The following KRT15 variants were observed in gnomAD, a reference collection of about 807,000 sequenced individuals.
KRT15 encodes keratin, type I cytoskeletal 15.
In KRT15, 45 loss-of-function variants were observed where a neutral mutation model predicts 46.6. The observed-to-expected ratio is 0.97, with a 90% CI of 0.76 to 1.24. The LOEUF (loss-of-function observed/expected upper bound fraction) is 1.24, where lower values mean the gene tolerates loss of function less well. Ranked by LOEUF, KRT15 falls within the 50% of genes most tolerant of loss-of-function variation. The pLI is 0.00. For synonymous variants in KRT15, 221 were observed against 233.8 expected (o/e 0.95, Z 0.50); for missense variants, 592 against 588.9 (o/e 1.01, Z -0.05).
Position 41,515,889 on chromosome 17 carries a change from C to G in KRT15, c.1022G>C (p.Ser341Thr). The change falls in exon 5 of 8, where the codon AGC becomes ACC. Residue 341 changes from serine to threonine, a missense_variant. Coordinates refer to ENST00000254043, the MANE Select transcript of KRT15 (RefSeq NM_002275.4). ...ATGGGGCGCGAGTGGCCGTACCATG[C>G]TGAGCTGGGACTGCAGCTCGATCTC... ...ELEIELQSQL[S>T]MKAGLENSLA... 1 of 1,614,068 alleles carries G rather than the reference C, an allele frequency of 6.2e-7. No individual in the cohort carries two copies. Among genetic ancestry groups the G allele is most frequent in the South Asian group, 1.1e-5 (1 of 91,080 alleles).
intron 5 of KRT15, 90 bp downstream of exon 5, chr17:41,515,794 AG>A: frequency 6.2e-7 from 1 of 1,604,270 alleles, no homozygotes; most frequent in Middle Eastern, 1.7e-4. Flanking sequence ...CCACCTCTTG[AG>A]GGGGCTTGAG....
In KRT15 at chr17:41,517,080, C is replaced by T. The variant is rs531848221; in HGVS notation, c.581+3G>A. On this transcript the variant is annotated splice_donor_region_variant and intron_variant, in intron 2 of 7. Transcript: ENST00000254043. The stretch of plus-strand genomic sequence containing the variant: ...GGAAGAGGAGAGAGACGGGGGAGCG[C>T]ACTTGAGCCTGAAGTCGTCCGCAGC... 10 of 1,614,190 alleles carry T rather than the reference C, an allele frequency of 6.2e-6. No homozygotes were observed. The African/African-American group carries it at 1.2e-4, about 19-fold the overall frequency.
chr17:41,515,767 G>A, intron 5 of KRT15, 75 bp from the exon 6 acceptor site: 4 of 1,595,240 alleles, frequency 2.5e-6, no homozygotes, highest in Non-Finnish European at 3.4e-6. Context: ...AGGGGGCACT[G>A]AATGGAGTTC....
rs1567718027 is a variant in KRT15 at position 41,515,559 on chromosome 17, T to G, written c.1160A>C (p.Gln387Pro). The change falls in exon 6 of 8, where the codon CAG (glutamine) becomes CCG (proline). Residue 387 changes from glutamine (Q) to proline (P), a missense_variant. Transcript: ENST00000254043. ...TATGTCAAGCAGCATCTTGTACTCC[T>G]GGTTCTGAGCCTCCATCTCGCATCG... ...ELRCEMEAQN[Q>P]EYKMLLDIKT... 1.2e-6 allele frequency: 2 copies of G among 1,614,054 alleles called. No homozygotes were observed. The highest frequency in any genetic ancestry group is 3.3e-5 in the Admixed American group (2 of 60,014).
At position 41,518,510 on chromosome 17, in the gene KRT15, T is replaced by C. The variant is rs1207276942; in HGVS notation, c.318A>G (p.Lys106=). 2 of 1,613,578 alleles carry C rather than the reference T, an allele frequency of 1.2e-6. No individual in the cohort carries two copies. Among genetic ancestry groups the C allele is most frequent in the Admixed American group, 1.7e-5 (1 of 59,950 alleles). Residue 106 remains lysine (K), a synonymous_variant, in exon 1 of 8, where the codon AAA becomes AAG. Transcript: ENST00000254043. ...GGTCATTGAGGTTCTGCATGGTAATTTTCTCATTGCCAGAGAGGAGACCAC... is the reference window on the plus strand; with the variant it reads ...GGTCATTGAGGTTCTGCATGGTAATCTTCTCATTGCCAGAGAGGAGACCAC... ...GDGGLLSGNE[K]ITMQNLNDRL...
intron 7 of KRT15, 124 bp downstream of exon 7, chr17:41,514,525 G>A: frequency 1.2e-6 from 1 of 855,942 alleles, no homozygotes; most frequent in Non-Finnish European, 1.9e-6. Flanking sequence ...GGCATCTAAT[G>A]AATGGGAATG....
chr17:41,514,485 G>A, intron 7 of KRT15, 164 bp downstream of exon 7: 1 of 654,976 alleles, frequency 1.5e-6, no homozygotes, highest in Non-Finnish European at 2.7e-6. Context: ...AATCTCACCT[G>A]GGGCTGACAG....
Position 41,516,147 on chromosome 17 carries a change from G to T in KRT15, c.857C>A (p.Ala286Glu). ...AEMREQYEAM[A>E]EKNRRDVEAW... ...CTCGACATCCCGGCGGTTCTTCTCC[G>T]CCATGGCCTCGTACTGCTCCCTCAT... Residue 286 changes from alanine (A) to glutamate (E), a missense_variant, in exon 4 of 8, where the codon GCG becomes GAG. Transcript: ENST00000254043. 3 of 1,614,138 alleles carry T rather than the reference G, an allele frequency of 1.9e-6. No individual in the cohort carries two copies. The highest frequency in any genetic ancestry group is 1.7e-5 in the Admixed American group (1 of 60,028).
intron 6 of KRT15, 33 bp from the exon 7 acceptor site, chr17:41,514,707 G>A (rs1371700539): frequency 6.2e-7 from 1 of 1,612,190 alleles, no homozygotes; most frequent in African/African-American, 1.3e-5. Flanking sequence ...TTTAAGCAAA[G>A]GGCACAAGCT....
chr17:41,516,722 T>C (rs1159727384), intron 3 of KRT15, 86 bp downstream of exon 3: 1 of 1,513,382 alleles, frequency 6.6e-7, no homozygotes, highest in Admixed American at 1.8e-5. Flanking sequence ...GGAGCCACTG[T>C]CTTTCCCTCT....
chr17:41,517,476 G>A (rs1200715268), intron 1 of KRT15: 1 of 400,246 alleles, frequency 2.5e-6, no homozygotes, highest in Admixed American at 3.7e-5. Context: ...GTGGGGCAGT[G>A]GGGTGCAGCC....
intron 1 of KRT15, chr17:41,517,686 C>T (rs1056701900): frequency 5.8e-6 from 1 of 171,286 alleles, no homozygotes; most frequent in Admixed American, 5.4e-5. Context: ...GAGTGGGTGG[C>T]AGAATGTGTA....
At chr17:41,514,535 G>T in intron 7 of KRT15, 114 bp downstream of exon 7, 2 of 969,674 alleles carry the variant, frequency 2.1e-6, no homozygotes, top group Non-Finnish European at 3.2e-6. Context: ...GAATGGGAAT[G>T]TTCCCACCTA....
chr17:41,515,932 G>A lies in KRT15; in HGVS notation c.979C>T (p.Arg327Cys), dbSNP rs149918613. The change falls in exon 5 of 8, where the codon CGC (arginine) becomes TGC (cysteine). Residue 327 changes from arginine to cysteine, a missense_variant. Physicochemically the swap from Arg to Cys is radical, Grantham distance 180. Coordinates refer to ENST00000254043, the MANE Select transcript of KRT15 (RefSeq NM_002275.4). Reference protein sequence around the residue: ...TSKTEITDLRRTMQELEIELQ... With the variant: ...TSKTEITDLRCTMQELEIELQ... ...TCGATCTCCAGCTCCTGCATCGTGC[G>A]TCTCAGGTCTGTGATCTCCGTCTTG... 1.4e-4 allele frequency: 222 copies of A among 1,614,110 alleles called. 1 individual carries two copies. Among genetic ancestry groups the A allele is most frequent in the South Asian group, 3.8e-4 (35 of 91,074 alleles).
rs142135034 is a variant in KRT15 at position 41,515,762 on chromosome 17, G to A, written c.1027-70C>T. ...GCCACTGAGGGCAAGCAGGGAGGGG[G>A]CACTGAATGGAGTTCAGGGAACCAC... On this transcript the variant is annotated intron_variant, in intron 5 of 7. Coordinates refer to ENST00000254043, the MANE Select transcript of KRT15 (RefSeq NM_002275.4). 1.6e-4 allele frequency: 258 copies of A among 1,592,058 alleles called. 1 individual carries two copies. The African/African-American group carries it at 3.1e-3, about 19-fold the overall frequency.
Position 41,518,530 on chromosome 17 carries a change from G to T in KRT15, c.298C>A (p.Leu100Ile), listed in dbSNP as rs770720550. ...GTAATTTTCTCATTGCCAGAGAGGA[G>T]ACCACCATCGCCACCACCAAAGCCA... The part of the protein sequence containing the change: ...GGGFGGGDGG[L>I]LSGNEKITMQ... Residue 100 changes from leucine (L) to isoleucine (I), a missense_variant, in exon 1 of 8, where the codon CTC becomes ATC. Physicochemically the swap from Leu to Ile is conservative, Grantham distance 5. Coordinates refer to ENST00000254043, the MANE Select transcript of KRT15 (RefSeq NM_002275.4). 6.2e-7 allele frequency: 1 copy of T among 1,613,914 alleles called. No individual in the cohort carries two copies. The highest frequency in any genetic ancestry group is 1.7e-5 in the Admixed American group (1 of 60,002).
chr17:41,516,081 G>A (rs375747390), intron 4 of KRT15, 23 bp downstream of exon 4: 14 of 1,614,014 alleles, frequency 8.7e-6, no homozygotes, highest in African/African-American at 8.0e-5. Context: ...GGCAGGAAGG[G>A]CAGGGCAGGA....
intron 3 of KRT15, 82 bp downstream of exon 3, chr17:41,516,726 T>A: frequency 6.5e-7 from 1 of 1,534,654 alleles, no homozygotes. Flanking sequence ...CCACTGTCTT[T>A]CCCTCTGGGC....
At chr17:41,516,348 T>C in intron 3 of KRT15, 83 bp from the exon 4 acceptor site, 1 of 1,460,528 alleles carries the variant, frequency 6.8e-7, no homozygotes, top group South Asian at 1.3e-5. Context: ...CAATCCTGGC[T>C]CTGCCCGTAA....
Sources: allele counts gnomAD v4.1 joint callset, GRCh38; gene constraint gnomAD v4.1.1; transcripts MANE v1.5; gene names NCBI Gene and HGNC (gene_info 2026-07-23, HGNC 2026-07-21).